Variants in TAOK3 observed in about 807,000 individuals in gnomAD.
TAOK3 encodes serine/threonine-protein kinase TAO3.
Under a neutral mutation model 120.4 loss-of-function variants are expected in TAOK3, and 40 were observed. That is an observed-to-expected ratio of 0.33 (90% confidence interval 0.26 to 0.43). The LOEUF is 0.43. Among genes scored for constraint, TAOK3 ranks in the 20% least tolerant of loss-of-function variants. TAOK3 has a pLI of 1.00. For synonymous variants in TAOK3, 355 were observed against 387.5 expected (o/e 0.92, Z 0.99); for missense variants, 821 against 1,112.1 (o/e 0.74, Z 3.72).
chr12:118,250,609 T>G (rs2040708374), intron 3 of TAOK3, among the ~76,000 whole-genome samples: 1 of 152,208 alleles, frequency 6.6e-6, no homozygotes, highest in Non-Finnish European at 1.5e-5. Flanking sequence ...AAATACTTAT[T>G]AGCTGCCCAC....
At chr12:118,252,723 C>CT (rs781342587) in intron 3 of TAOK3, among the ~76,000 whole-genome samples, 19,004 of 139,738 alleles carry the variant, frequency 0.14, 1,625 homozygotes, top group East Asian at 0.28. Flanking sequence ...TTTTTCTTTT[C>CT]TTTTTTTTTT....
chr12:118,341,786 G>A (rs1281379095), intron 1 of TAOK3, among the ~76,000 whole-genome samples: 3 of 152,228 alleles, frequency 2.0e-5, no homozygotes, highest in Non-Finnish European at 4.4e-5. Flanking sequence ...CACTTTGGGA[G>A]GCCTAGGCAG....
chr12:118,258,512 G>C lies in TAOK3; in HGVS notation c.-88-2857C>G, dbSNP rs1249845530. Among the ~76,000 whole-genome samples, 3 of 152,102 alleles carry C rather than the reference G, an allele frequency of 2.0e-5. No individual in the cohort carries two copies. The East Asian group carries it at 5.8e-4, about 29-fold the overall frequency. The stretch of plus-strand genomic sequence containing the variant: ...GCAGATCACAAGGTCAAGAGATCAA[G>C]ACCATTCTGGCCAACATGGTAAAAC... On this transcript the variant is annotated intron_variant, in intron 2 of 20. Transcript: ENST00000392533.
chr12:118,202,742 T>TAAGCA (rs2038087090), intron 11 of TAOK3, among the ~76,000 whole-genome samples: 1 of 149,916 alleles, frequency 6.7e-6, no homozygotes, highest in Non-Finnish European at 1.5e-5. Flanking sequence ...AACTACATAA[T>TAAGCA]AAGCAGAAGC....
At chr12:118,337,703 T>G (rs983574133) in intron 1 of TAOK3, among the ~76,000 whole-genome samples, 8 of 152,160 alleles carry the variant, frequency 5.3e-5, no homozygotes, top group African/African-American at 1.9e-4. Flanking sequence ...ATTCTTGAAA[T>G]GACAAAATTA....
intron 11 of TAOK3, 32 bp from the exon 12 acceptor site, chr12:118,201,495 T>C: frequency 6.3e-7 from 1 of 1,588,648 alleles, no homozygotes; most frequent in Non-Finnish European, 8.6e-7. Flanking sequence ...AATAAACTGA[T>C]AATGAAGAAA....
intron 16 of TAOK3, among the ~76,000 whole-genome samples, chr12:118,174,507 T>C (rs986563002): frequency 6.6e-6 from 1 of 152,092 alleles, no homozygotes; most frequent in Non-Finnish European, 1.5e-5. Context: ...TTAAATGCTG[T>C]TCTGTGGGAA....
chr12:118,180,932 C>T (rs1475612268), intron 15 of TAOK3, among the ~76,000 whole-genome samples: 1 of 151,808 alleles, frequency 6.6e-6, no homozygotes, highest in Non-Finnish European at 1.5e-5. Flanking sequence ...GCAACCTCTG[C>T]CTTCCAGGTT....
At chr12:118,203,743 G>A (rs980455099) in intron 11 of TAOK3, among the ~76,000 whole-genome samples, 6 of 151,624 alleles carry the variant, frequency 4.0e-5, no homozygotes, top group African/African-American at 1.5e-4. Context: ...AAGGATTGAG[G>A]ACTGGGAAAG....
chr12:118,209,478 C>T (rs2038507094), intron 11 of TAOK3, among the ~76,000 whole-genome samples: 1 of 152,128 alleles, frequency 6.6e-6, no homozygotes, highest in Non-Finnish European at 1.5e-5. Flanking sequence ...TCTCGGCTCA[C>T]TGCAACCTCC....
intron 14 of TAOK3, among the ~76,000 whole-genome samples, chr12:118,186,553 C>T (rs952377855): frequency 2.0e-5 from 3 of 152,116 alleles, no homozygotes; most frequent in African/African-American, 7.2e-5. Flanking sequence ...CCCAAGAAGT[C>T]AGATTAGTGA....
intron 1 of TAOK3, among the ~76,000 whole-genome samples, chr12:118,302,368 G>A (rs2042913006): frequency 6.6e-6 from 1 of 152,182 alleles, no homozygotes; most frequent in African/African-American, 2.4e-5. Context: ...AGAGTGCTAG[G>A]TAAGAACATT....
chr12:118,215,660 T>C (rs920219102), intron 9 of TAOK3, among the ~76,000 whole-genome samples: 2 of 152,166 alleles, frequency 1.3e-5, no homozygotes, highest in African/African-American at 4.8e-5. Flanking sequence ...AAGAGAACTA[T>C]AAATTATAAA....
chr12:118,290,007 A>G (rs1376801239), intron 1 of TAOK3, among the ~76,000 whole-genome samples: 2 of 151,802 alleles, frequency 1.3e-5, no homozygotes, highest in Non-Finnish European at 2.9e-5. Context: ...AAAAAAAAAA[A>G]GAGAAAGAAA....
rs762085041 is a variant in TAOK3, at chr12:118,233,795, T to G, written c.552-30A>C. The G allele has an allele frequency of 1.9e-6, 3 of 1,539,464 alleles. No homozygotes were observed. The South Asian group carries it at 3.6e-5, about 18-fold the overall frequency. ...CAAACATAAGGTACAAAACTCAAGT[T>G]GGAGATTAAAAACAAAATTTCTCCA... On this transcript the variant is annotated intron_variant, in intron 8 of 20. Coordinates refer to ENST00000392533, the MANE Select transcript of TAOK3 (RefSeq NM_016281.4).
intron 14 of TAOK3, 30 bp downstream of exon 14, chr12:118,189,777 G>T: frequency 6.2e-7 from 1 of 1,613,306 alleles, no homozygotes; most frequent in South Asian, 1.1e-5. Flanking sequence ...GGGGAAGGAA[G>T]GGAAGGTGGG....
At chr12:118,253,379 A>G (rs2140129992) in intron 3 of TAOK3, among the ~76,000 whole-genome samples, 1 of 152,366 alleles carries the variant, frequency 6.6e-6, no homozygotes, top group East Asian at 1.9e-4. Context: ...GGTAATAATT[A>G]GTACTTAATT....
chr12:118,361,521 G>C (rs182564290), intron 1 of TAOK3, among the ~76,000 whole-genome samples: 1 of 150,886 alleles, frequency 6.6e-6, no homozygotes, highest in Non-Finnish European at 1.5e-5. Flanking sequence ...GCAGTGGCAC[G>C]ATCTTGGATC....
intron 9 of TAOK3, among the ~76,000 whole-genome samples, 193 bp downstream of exon 9, chr12:118,233,481 G>C (rs1403983086): frequency 6.6e-6 from 1 of 151,736 alleles, no homozygotes; most frequent in Non-Finnish European, 1.5e-5. Flanking sequence ...GTAGCAGAGA[G>C]AAAGCAATCT....
Sources: allele counts gnomAD v4.1 joint callset (sites outside exome capture counted in the v4.1 genomes callset), GRCh38; gene constraint gnomAD v4.1.1; transcripts MANE v1.5; gene names NCBI Gene and HGNC (gene_info 2026-07-23, HGNC 2026-07-21).